The following KCNQ3 variants were observed in gnomAD, a reference collection of about 807,000 sequenced individuals.
KCNQ3 encodes the protein potassium voltage-gated channel subfamily KQT member 3.
In KCNQ3, 30 loss-of-function variants were observed where a neutral mutation model predicts 92.5. That is an observed-to-expected ratio of 0.32 (90% CI 0.24 to 0.44). The LOEUF is 0.44. Among genes scored for constraint, KCNQ3 ranks in the 20% least tolerant of loss-of-function variants. KCNQ3 has a pLI of 1.00. For synonymous variants in KCNQ3, 450 were observed against 468.8 expected (o/e 0.96, Z 0.52); for missense variants, 913 against 1,140.3 (o/e 0.80, Z 2.87).
chr8:132,174,828 G>C (rs1826495798), intron 5 of KCNQ3, among the ~76,000 whole-genome samples: 1 of 152,162 alleles, frequency 6.6e-6, no homozygotes, highest in South Asian at 2.1e-4. Context: ...CATGTGAAAG[G>C]CAGGATTATC....
chr8:132,262,074 A>C (rs1251208047), intron 1 of KCNQ3, among the ~76,000 whole-genome samples: 1 of 152,246 alleles, frequency 6.6e-6, no homozygotes, highest in Non-Finnish European at 1.5e-5. Context: ...ATGAACTTTG[A>C]AAACATTATC....
In KCNQ3 at chr8:132,480,285, T is replaced by G; in HGVS notation, c.248A>C (p.Gln83Pro). 1 of 1,609,242 alleles carries G rather than the reference T, an allele frequency of 6.2e-7. No homozygotes were observed. The highest frequency in any genetic ancestry group is 1.1e-5 in the South Asian group (1 of 90,426). ...GGTCTTGGCCAGGAGCCCGATGCCC[T>G]GCGGGGTCCTCCGCTGCCCCTCGTC... The part of the protein sequence containing the change: ...GRDEGQRRTP[Q>P]GIGLLAKTPL... Residue 83 changes from glutamine (Q) to proline (P), a missense_variant, in exon 1 of 15, where the codon CAG becomes CCG. By Grantham distance (76) the Gln-to-Pro change is moderately conservative. Around this residue, in one of 6 missense-constraint regions of KCNQ3, gnomAD observed 183 missense variants for 167.7 expected, o/e 1.09. Coordinates refer to ENST00000388996, the MANE Select transcript of KCNQ3 (RefSeq NM_004519.4).
Position 132,374,427 on chromosome 8 carries a change from C to T in KCNQ3, c.386+105720G>A, listed in dbSNP as rs371781468. Among the ~76,000 whole-genome samples the T allele has an allele frequency of 1.5e-4, 23 of 152,306 alleles. 1 individual carries two copies. The South Asian group carries it at 2.1e-3, about 14-fold the overall frequency. ...GTCACTATCCTCCTCCACTCCCCGA[C>T]CCACTTCTATCCTACCTCCTACTGC... On this transcript the variant is annotated intron_variant, in intron 1 of 14. Transcript: ENST00000388996.
At chr8:132,274,340 A>T (rs572234779) in intron 1 of KCNQ3, among the ~76,000 whole-genome samples, 2 of 152,300 alleles carry the variant, frequency 1.3e-5, no homozygotes, top group Non-Finnish European at 2.9e-5. Flanking sequence ...AGACTTATTC[A>T]CTATCACAGA....
rs1387649903 is a variant in KCNQ3, at chr8:132,447,313, A to G, written c.386+32834T>C. On this transcript the variant is annotated intron_variant, in intron 1 of 14. Coordinates refer to ENST00000388996, the MANE Select transcript of KCNQ3 (RefSeq NM_004519.4). ...CTAAAGCAGGGCAGAATGGGCAGACAAGGGTCAAGATAAAGGTACCAGAGA... is the reference window on the plus strand; with the variant it reads ...CTAAAGCAGGGCAGAATGGGCAGACGAGGGTCAAGATAAAGGTACCAGAGA... 2.8e-6 allele frequency: 4 copies of G among 1,416,470 alleles called. No homozygotes were observed. In the African/African-American group the frequency reaches 5.7e-5, roughly 20 times the overall value. The allele number at this position is 1,416,470 out of a possible 1,614,324, so 87.7% of individuals were successfully genotyped here.
chr8:132,129,926 A>T lies in KCNQ3; in HGVS notation c.1955T>A (p.Val652Glu). The T allele has an allele frequency of 6.2e-7, 1 of 1,614,090 alleles. No individual in the cohort carries two copies. The highest frequency in any genetic ancestry group is 8.5e-7 in the Non-Finnish European group (1 of 1,180,018). The change falls in exon 15 of 15, where the codon GTG becomes GAG. Residue 652 changes from valine to glutamate, a missense_variant. By Grantham distance (121) the Val-to-Glu change is moderately radical. Coordinates refer to ENST00000388996, the MANE Select transcript of KCNQ3 (RefSeq NM_004519.4). This position sits in a 1 kb window ranked among gnomAD's most constrained non-coding sequence, Gnocchi z 5.9. ...MHMQHMERLQ[V>E]QVTEYYPTKG... is the part of the protein sequence containing the mutation. Reference sequence around the variant, plus strand: ...GGTTGGGTAATACTCCGTGACCTGCACCTGCAACCGTTCCATGTGTTGCAT... The same window carrying T: ...GGTTGGGTAATACTCCGTGACCTGCTCCTGCAACCGTTCCATGTGTTGCAT...
intron 1 of KCNQ3, among the ~76,000 whole-genome samples, chr8:132,315,704 C>G (rs1193037040): frequency 6.6e-6 from 1 of 152,126 alleles, no homozygotes; most frequent in African/African-American, 2.4e-5. Flanking sequence ...CAAGGGCAAT[C>G]CACATTCTTT....
At chr8:132,182,851 G>T (rs1394922967) in intron 3 of KCNQ3, among the ~76,000 whole-genome samples, 2 of 149,964 alleles carry the variant, frequency 1.3e-5, no homozygotes, top group African/African-American at 4.9e-5. Context: ...AAAGAAATAT[G>T]AAAAAATCAT....
In KCNQ3 at chr8:132,265,883, A is replaced by T. The variant is rs534126597; in HGVS notation, c.387-79702T>A. Among the ~76,000 whole-genome samples the T allele has an allele frequency of 7.2e-5, 11 of 152,228 alleles. No homozygotes were observed. The East Asian group carries it at 2.1e-3, about 29-fold the overall frequency. ...TCTCTCCATCTTCTGTCTTCATTTA[A>T]ATGGTAAGCTCCTTGAACTTGGGGA... On this transcript the variant is annotated intron_variant, in intron 1 of 14. Coordinates refer to ENST00000388996, the MANE Select transcript of KCNQ3 (RefSeq NM_004519.4).
chr8:132,129,381 C>T lies in KCNQ3; in HGVS notation c.2500G>A (p.Ala834Thr), dbSNP rs772240164. ...GTGTCTGTGTCCGTCTCACCCTCGG[C>T]GAGGTACCGCTTCTCCCTCATCCAG... The part of the protein sequence containing the change: ...SSWMREKRYL[A>T]EGETDTDTDP... Residue 834 changes from alanine (A) to threonine (T), a missense_variant, in exon 15 of 15, where the codon GCC becomes ACC. This residue lies in a region of KCNQ3 where 375 missense variants were observed against 376.4 expected (regional missense o/e 1.00). Transcript: ENST00000388996. The surrounding 1 kb of genome is among the most constrained non-coding windows in gnomAD (Gnocchi z 5.9). 1.2e-6 allele frequency: 2 copies of T among 1,614,192 alleles called. No individual in the cohort carries two copies. The highest frequency in any genetic ancestry group is 8.5e-7 in the Non-Finnish European group (1 of 1,180,042).
intron 3 of KCNQ3, among the ~76,000 whole-genome samples, chr8:132,183,485 C>T (rs562517992): frequency 4.2e-4 from 64 of 152,198 alleles, no homozygotes; most frequent in Non-Finnish European, 8.5e-4. Flanking sequence ...CCAGCCCTGA[C>T]ACTCTATGAT....
chr8:132,260,184 C>G (rs1352194577), intron 1 of KCNQ3, among the ~76,000 whole-genome samples: 1 of 152,006 alleles, frequency 6.6e-6, no homozygotes, highest in Non-Finnish European at 1.5e-5. Flanking sequence ...AGTTTTCTGC[C>G]CAAACTACAC....
At chr8:132,456,947 T>C (rs1008202783) in intron 1 of KCNQ3, among the ~76,000 whole-genome samples, 14 of 152,216 alleles carry the variant, frequency 9.2e-5, no homozygotes, top group Non-Finnish European at 1.9e-4. Flanking sequence ...TACTGTGAAC[T>C]ACACACTAAC....
At position 132,421,040 on chromosome 8, in the gene KCNQ3, G is replaced by A. The variant is rs536621967; in HGVS notation, c.386+59107C>T. ...GCATGACTGGCATATACCAGGAGGAGTTTGAGCAGGGGATGTGGGGCAGAG... is the reference window on the plus strand; with the variant it reads ...GCATGACTGGCATATACCAGGAGGAATTTGAGCAGGGGATGTGGGGCAGAG... On this transcript the variant is annotated intron_variant, in intron 1 of 14. Coordinates refer to ENST00000388996, the MANE Select transcript of KCNQ3 (RefSeq NM_004519.4). 3.3e-4 allele frequency among the ~76,000 whole-genome samples: 50 copies of A among 152,320 alleles called. 1 individual carries two copies. The highest frequency in any genetic ancestry group is 1.1e-3 in the African/African-American group (44 of 41,564).
chr8:132,353,381 C>T (rs987694615), intron 1 of KCNQ3, among the ~76,000 whole-genome samples: 7 of 151,992 alleles, frequency 4.6e-5, no homozygotes, highest in Non-Finnish European at 8.8e-5. Flanking sequence ...AAATATTGAT[C>T]GACAACTAAG....
chr8:132,206,464 C>T (rs1813662412), intron 1 of KCNQ3, among the ~76,000 whole-genome samples: 1 of 152,202 alleles, frequency 6.6e-6, no homozygotes, highest in Non-Finnish European at 1.5e-5. Context: ...ATATTGAACT[C>T]AGAACCTAAT....
At chr8:132,160,345 T>C (rs1185838662) in intron 9 of KCNQ3, among the ~76,000 whole-genome samples, 1 of 152,172 alleles carries the variant, frequency 6.6e-6, no homozygotes, top group Non-Finnish European at 1.5e-5. Context: ...AGGTCCATCT[T>C]CAGTGTTTGA....
At chr8:132,241,496 C>A (rs1444620349) in intron 1 of KCNQ3, among the ~76,000 whole-genome samples, 1 of 151,994 alleles carries the variant, frequency 6.6e-6, no homozygotes, top group African/African-American at 2.4e-5. Flanking sequence ...CTCCCAGGTT[C>A]TCCTACAGTT....
intron 1 of KCNQ3, among the ~76,000 whole-genome samples, chr8:132,264,001 A>G (rs1482596222): frequency 6.6e-6 from 1 of 152,166 alleles, no homozygotes; most frequent in African/African-American, 2.4e-5. Context: ...CAGCACCTTC[A>G]TAGTAGCTAA....
Sources: allele counts gnomAD v4.1 joint callset (sites outside exome capture counted in the v4.1 genomes callset), GRCh38; gene constraint gnomAD v4.1.1; regional missense constraint gnomAD v4.1.1; non-coding constraint Gnocchi (gnomAD v3.1); transcripts MANE v1.5; gene names NCBI Gene and HGNC (gene_info 2026-07-23, HGNC 2026-07-21).